TSGA10: variants seen among roughly 807,000 people sequenced by gnomAD.
The protein encoded by TSGA10 is testis-specific gene 10 protein.
A neutral mutation model predicts 96.6 loss-of-function variants in TSGA10; 43 were observed. That is an observed-to-expected ratio of 0.44 (90% confidence interval 0.35 to 0.57). The LOEUF is 0.57. Ranked by LOEUF, TSGA10 falls within the 20% of genes least tolerant of loss-of-function variation. TSGA10 has a pLI of 0.01. For missense variants in TSGA10, 703 were observed against 834.4 expected (o/e 0.84, Z 1.94); for synonymous variants, 229 against 269.9 (o/e 0.85, Z 1.48).
chr2:99,105,323 T>C (rs367655600), intron 9 of TSGA10, 36 bp downstream of exon 9: 8 of 1,546,226 alleles, frequency 5.2e-6, no homozygotes, highest in East Asian at 2.2e-5. Context: ...TGAGTGTTTA[T>C]AGCCAAAAGA....
chr2:99,044,510 A>G (rs2082537602), intron 16 of TSGA10, among the ~76,000 whole-genome samples: 1 of 152,206 alleles, frequency 6.6e-6, no homozygotes, highest in African/African-American at 2.4e-5. Context: ...TGCACCCAAT[A>G]CAGGAACACC....
At chr2:99,109,303 A>T (rs896175406) in intron 6 of TSGA10, 86 bp downstream of exon 6, 2 of 1,449,818 alleles carry the variant, frequency 1.4e-6, no homozygotes, top group Admixed American at 1.7e-5. Context: ...ATCAAAACAA[A>T]TTATTTTCAA....
At chr2:99,036,274 A>C (rs1361253504) in intron 16 of TSGA10, among the ~76,000 whole-genome samples, 1 of 152,028 alleles carries the variant, frequency 6.6e-6, no homozygotes, top group Non-Finnish European at 1.5e-5. Context: ...CTTTCTCTCT[A>C]TCTCTTCCCT....
chr2:99,032,812 T>C (rs1024743354), intron 17 of TSGA10, among the ~76,000 whole-genome samples: 14 of 152,160 alleles, frequency 9.2e-5, no homozygotes, highest in Admixed American at 1.3e-4. Context: ...ATTGATGAAA[T>C]AACAGAGGAT....
At chr2:99,095,851 G>A (rs368097241) in intron 10 of TSGA10, among the ~76,000 whole-genome samples, 9 of 152,180 alleles carry the variant, frequency 5.9e-5, no homozygotes, top group African/African-American at 1.9e-4. Context: ...ATTTTGGCCA[G>A]GCTGGTCTCA....
At chr2:99,068,712 C>T (rs2085557336) in intron 15 of TSGA10, among the ~76,000 whole-genome samples, 176 bp downstream of exon 15, 1 of 152,124 alleles carries the variant, frequency 6.6e-6, no homozygotes, top group Non-Finnish European at 1.5e-5. Context: ...GGGGCATATT[C>T]TCCAGGCATC....
intron 17 of TSGA10, among the ~76,000 whole-genome samples, chr2:99,024,424 A>T (rs1391032927): frequency 1.3e-5 from 2 of 152,052 alleles, no homozygotes; most frequent in African/African-American, 4.8e-5. Flanking sequence ...TTTTTGATGC[A>T]ATTCCGTTTG....
At chr2:99,091,854 A>G (rs1272839890) in intron 10 of TSGA10, among the ~76,000 whole-genome samples, 1 of 152,180 alleles carries the variant, frequency 6.6e-6, no homozygotes, top group Non-Finnish European at 1.5e-5. Flanking sequence ...ACAGCACTTG[A>G]CAGGTCATCA....
chr2:99,144,303 G>A (rs944895263), intron 1 of TSGA10, among the ~76,000 whole-genome samples: 1 of 151,972 alleles, frequency 6.6e-6, no homozygotes, highest in Admixed American at 6.6e-5. Flanking sequence ...TTACAGGCAT[G>A]AGCCACCGCG....
chr2:99,064,801 G>A (rs1573991557), intron 16 of TSGA10, 138 bp downstream of exon 16: 1 of 620,652 alleles, frequency 1.6e-6, no homozygotes, highest in East Asian at 3.1e-5. Flanking sequence ...AGTATAAGGA[G>A]AATGGTTAGC....
chr2:99,009,126 A>G (rs772328248), intron 20 of TSGA10, among the ~76,000 whole-genome samples: 9 of 152,160 alleles, frequency 5.9e-5, no homozygotes, highest in Admixed American at 4.6e-4. Flanking sequence ...AATTAAGTTG[A>G]GGAAAAAACT....
chr2:99,071,468 CA>C (rs2085952184), intron 14 of TSGA10, among the ~76,000 whole-genome samples: 1 of 151,932 alleles, frequency 6.6e-6, no homozygotes, highest in Non-Finnish European at 1.5e-5. Context: ...TATCCTTCAG[CA>C]AGGAAGTACT....
chr2:99,003,460 T>C (rs1455049538), intron 20 of TSGA10, among the ~76,000 whole-genome samples: 1 of 152,196 alleles, frequency 6.6e-6, no homozygotes, highest in Non-Finnish European at 1.5e-5. Flanking sequence ...CTAATAGACA[T>C]CTACAGAACT....
chr2:99,053,105 TA>T (rs569710768), intron 16 of TSGA10, among the ~76,000 whole-genome samples: 19 of 149,634 alleles, frequency 1.3e-4, no homozygotes, highest in African/African-American at 3.9e-4. Flanking sequence ...AGTTAAGATT[TA>T]AAAAAAAAAT....
intron 16 of TSGA10, among the ~76,000 whole-genome samples, chr2:99,043,885 T>C (rs1312397396): frequency 6.6e-6 from 1 of 152,126 alleles, no homozygotes; most frequent in Non-Finnish European, 1.5e-5. Context: ...TCAACATTCT[T>C]AAAGAAAAGA....
chr2:99,041,265 T>C (rs1412171806), intron 16 of TSGA10, among the ~76,000 whole-genome samples: 1 of 152,222 alleles, frequency 6.6e-6, no homozygotes, highest in Non-Finnish European at 1.5e-5. Flanking sequence ...CCATCTGCAA[T>C]GGGCACCCTT....
intron 11 of TSGA10, among the ~76,000 whole-genome samples, chr2:99,080,840 C>G (rs1321415053): frequency 1.3e-5 from 2 of 152,100 alleles, no homozygotes; most frequent in Admixed American, 6.6e-5. Context: ...GTAACTTTCT[C>G]TATAAACCCC....
intron 2 of TSGA10, among the ~76,000 whole-genome samples, chr2:99,119,742 G>A (rs2092474000): frequency 6.6e-6 from 1 of 152,096 alleles, no homozygotes; most frequent in Non-Finnish European, 1.5e-5. Flanking sequence ...CCCACCTCTA[G>A]CAACATGCAC....
At chr2:99,096,221 G>A (rs1226062890) in intron 10 of TSGA10, among the ~76,000 whole-genome samples, 2 of 152,142 alleles carry the variant, frequency 1.3e-5, no homozygotes, top group African/African-American at 2.4e-5. Flanking sequence ...TTTATAAAAA[G>A]TTTATCAAGA....
Sources: allele counts gnomAD v4.1 joint callset (sites outside exome capture counted in the v4.1 genomes callset), GRCh38; gene constraint gnomAD v4.1.1; transcripts MANE v1.5; gene names NCBI Gene and HGNC (gene_info 2026-07-23, HGNC 2026-07-21).